ABR: variants seen among roughly 807,000 people sequenced by gnomAD.
ABR encodes ABR activator of RhoGEF and GTPase.
Under a neutral mutation model 107.2 loss-of-function variants are expected in ABR, and 35 were observed. The ratio of observed to expected loss-of-function variants is 0.33; its 90% CI spans 0.25 to 0.43. ABR has a LOEUF of 0.43. ABR is among the 20% of genes least tolerant of loss of function. ABR has a pLI of 1.00. For missense variants in ABR, 815 were observed against 1,115.2 expected (o/e 0.73, Z 3.83); for synonymous variants, 498 against 462.0 (o/e 1.08, Z -1.00).
At chr17:1,009,232 CATT>C in intron 21 of ABR, among the ~76,000 whole-genome samples, 1 of 84,784 alleles carries the variant, frequency 1.2e-5, no homozygotes, top group African/African-American at 3.8e-5. Context: ...CACTACTGTC[CATT>C]CCCCACTGCT....
chr17:1,130,344 G>A (rs1163575762), intron 1 of ABR, among the ~76,000 whole-genome samples: 6 of 149,732 alleles, frequency 4.0e-5, no homozygotes, highest in African/African-American at 4.9e-5. Flanking sequence ...CCACATTCCC[G>A]CCCCTCATCT....
At chr17:1,192,705 G>A (rs1195741984) in intron 1 of ABR, among the ~76,000 whole-genome samples, 2 of 152,160 alleles carry the variant, frequency 1.3e-5, no homozygotes, top group Non-Finnish European at 2.9e-5. Context: ...CCGAGGCCAC[G>A]AGTTCAAGAC....
chr17:1,221,495 G>A (rs990392302), intron 1 of ABR, among the ~76,000 whole-genome samples: 4 of 152,166 alleles, frequency 2.6e-5, no homozygotes, highest in African/African-American at 4.8e-5. Flanking sequence ...ACTCTCGGCC[G>A]GACTGCTGGC....
intron 2 of ABR, among the ~76,000 whole-genome samples, chr17:1,124,448 G>A (rs2151447930): frequency 6.6e-6 from 1 of 152,242 alleles, no homozygotes; most frequent in East Asian, 1.9e-4. Context: ...CCAGCTCCAG[G>A]CAAACAACCC....
intron 14 of ABR, among the ~76,000 whole-genome samples, chr17:1,053,507 C>G (rs1044555747): frequency 3.9e-5 from 6 of 152,182 alleles, no homozygotes; most frequent in African/African-American, 1.4e-4. Context: ...CAGCTCTGCA[C>G]AGATCACCTC....
chr17:1,223,059 G>A (rs1051167825), intron 1 of ABR, among the ~76,000 whole-genome samples: 2 of 151,936 alleles, frequency 1.3e-5, no homozygotes, highest in African/African-American at 2.4e-5. Context: ...AAAAGTAACC[G>A]GGTGTGGTGG....
chr17:1,188,948 A>G (rs1248238371), upstream of ABR, among the ~76,000 whole-genome samples: 1 of 152,210 alleles, frequency 6.6e-6, no homozygotes, highest in Non-Finnish European at 1.5e-5. Context: ...CACCCAGGAC[A>G]TGCAAATTTT....
intron 16 of ABR, among the ~76,000 whole-genome samples, chr17:1,015,164 C>G (rs1227649069): frequency 6.6e-6 from 1 of 152,014 alleles, no homozygotes. Context: ...CGCCTGTAAT[C>G]CCAGCACTTT....
intron 21 of ABR, among the ~76,000 whole-genome samples, chr17:1,007,976 G>C (rs1448695630): frequency 6.6e-6 from 1 of 152,234 alleles, no homozygotes; most frequent in Non-Finnish European, 1.5e-5. Flanking sequence ...TGAGCCCGGG[G>C]ACTGTCCCCC....
In ABR at chr17:1,013,093, T is replaced by C; in HGVS notation, c.1851+12A>G. ...CGGCTCACGCCACTGATCATTCCCATCCCCGGCTCACCCCGTTCATCTCAA... is the reference window on the plus strand; with the variant it reads ...CGGCTCACGCCACTGATCATTCCCACCCCCGGCTCACCCCGTTCATCTCAA... On this transcript the variant is annotated intron_variant, in intron 17 of 22. Transcript: ENST00000302538. 1 of 1,613,784 alleles carries C rather than the reference T, an allele frequency of 6.2e-7. No homozygotes were observed. Among genetic ancestry groups the C allele is most frequent in the South Asian group, 1.1e-5 (1 of 91,068 alleles).
chr17:1,078,703 C>T lies in ABR; in HGVS notation c.700+627G>A, dbSNP rs973994875. On this transcript the variant is annotated intron_variant, in intron 6 of 22. Transcript: ENST00000302538. This position sits in a 1 kb window ranked among gnomAD's most constrained non-coding sequence, Gnocchi z 7.5. Reference sequence around the variant, plus strand: ...GGGAATTCAGGTCCAGCCGCTCGCCCACCCTCCTTCCCTGCGGCCCTCTAA... The same window carrying T: ...GGGAATTCAGGTCCAGCCGCTCGCCTACCCTCCTTCCCTGCGGCCCTCTAA... 6.0e-6 allele frequency: 7 copies of T among 1,161,716 alleles called. No individual in the cohort carries two copies. The highest frequency in any genetic ancestry group is 8.4e-6 in the Non-Finnish European group (7 of 829,694). The allele number at this position is 1,161,716 out of a possible 1,614,324, so 72.0% of individuals were successfully genotyped here.
intron 2 of ABR, among the ~76,000 whole-genome samples, chr17:1,104,840 C>T (rs546242345): frequency 2.6e-5 from 4 of 152,290 alleles, no homozygotes; most frequent in East Asian, 1.9e-4. Context: ...GGTGGATCCC[C>T]GTATTCTGGG....
intron 1 of ABR, among the ~76,000 whole-genome samples, chr17:1,137,465 G>A (rs1175506573): frequency 6.6e-6 from 1 of 152,164 alleles, no homozygotes; most frequent in Admixed American, 6.6e-5. Flanking sequence ...GGCTGGAGCG[G>A]GGAGAGGAGA....
chr17:1,073,657 C>A lies in ABR; in HGVS notation c.721G>T (p.Asp241Tyr). The part of the protein sequence containing the change: ...TMEALLYKPI[D>Y]RVTRSTLVLH... ...ACTAGGGTGCTCCGAGTGACCCGGT[C>A]AATGGGCTTGTAGAGCAGAGCTGTC... Residue 241 changes from aspartate (D) to tyrosine (Y), a missense_variant, in exon 7 of 23, where the codon GAC becomes TAC. Asp to Tyr is a radical substitution (Grantham distance 160). This residue lies in a region of ABR where 385 missense variants were observed against 596.9 expected (regional missense o/e 0.64). Transcript: ENST00000302538. 1 of 1,606,054 alleles carries A rather than the reference C, an allele frequency of 6.2e-7. No individual in the cohort carries two copies. Among genetic ancestry groups the A allele is most frequent in the Non-Finnish European group, 8.5e-7 (1 of 1,175,350 alleles).
rs573307097 is a variant in ABR, at chr17:1,206,021, CAGG to C, written c.838+22769_838+22771del. Among the ~76,000 whole-genome samples the C allele has an allele frequency of 9.6e-3, 1,449 of 150,564 alleles. 11 individuals are homozygous for C. The highest frequency in any genetic ancestry group is 0.015 in the Non-Finnish European group (1,002 of 67,778). ...GTCCCAGCTACTTGGGAGGCTGAGG[CAGG>C]AGAATTATTTGAACCCAGGAGGTGG... On this transcript the variant is annotated intron_variant, in intron 1 of 22. Coordinates refer to the ABR transcript ENST00000574139.
At position 1,057,986 on chromosome 17, in the gene ABR, C is replaced by A. The variant is rs1458910074; in HGVS notation, c.1365G>T (p.Gln455His). 1 of 1,613,914 alleles carries A rather than the reference C, an allele frequency of 6.2e-7. No individual in the cohort carries two copies. Among genetic ancestry groups the A allele is most frequent in the East Asian group, 2.2e-5 (1 of 44,878 alleles). Residue 455 changes from glutamine (Q) to histidine (H), a missense_variant, in exon 12 of 23, where the codon CAG becomes CAT. Physicochemically the swap from Gln to His is conservative, Grantham distance 24. This residue lies in a region of ABR where 385 missense variants were observed against 596.9 expected (regional missense o/e 0.64). Coordinates refer to ENST00000302538, the MANE Select transcript of ABR (RefSeq NM_021962.5). ...GGAATTTACCCTTCTTCTGTAGTTT[C>A]TGAATTGCTTCTCTCCACTCTGACC... Reference protein sequence around the residue: ...YERSEWREAIQKLQKKDLQAF... With the variant: ...YERSEWREAIHKLQKKDLQAF...
At chr17:1,208,844 T>C (rs1351453126) in intron 1 of ABR, among the ~76,000 whole-genome samples, 5 of 146,082 alleles carry the variant, frequency 3.4e-5, no homozygotes, top group Non-Finnish European at 5.9e-5. Flanking sequence ...GCCGAGATCA[T>C]GCCACTGCGC....
chr17:1,032,057 C>T (rs949131686), intron 16 of ABR, among the ~76,000 whole-genome samples: 35 of 151,888 alleles, frequency 2.3e-4, no homozygotes, highest in African/African-American at 7.7e-4. Flanking sequence ...TCCCCGACCC[C>T]GCCGCCCTCC....
At position 1,185,889 on chromosome 17, in the gene ABR, G is replaced by A. The variant is rs1312705738; in HGVS notation, c.-78+911C>T. ...TTCACTCTTATTGCCTGGCTGGAGT[G>A]CAGTGGCAGGATCTCGGCTCACTGC... On this transcript the variant is annotated intron_variant, in intron 1 of 22. Transcript: ENST00000544583. 7.2e-5 allele frequency among the ~76,000 whole-genome samples: 11 copies of A among 151,776 alleles called. No individual in the cohort carries two copies. The East Asian group carries it at 2.1e-3, about 30-fold the overall frequency.
Sources: allele counts gnomAD v4.1 joint callset (sites outside exome capture counted in the v4.1 genomes callset), GRCh38; gene constraint gnomAD v4.1.1; regional missense constraint gnomAD v4.1.1; non-coding constraint Gnocchi (gnomAD v3.1); transcripts MANE v1.5; gene names NCBI Gene and HGNC (gene_info 2026-07-23, HGNC 2026-07-21).